Variants in PARN observed in about 807,000 individuals in gnomAD.
PARN encodes the protein poly(A)-specific ribonuclease PARN.
A neutral mutation model predicts 102.8 loss-of-function variants in PARN; 71 were observed. That is an observed-to-expected ratio of 0.69 (90% CI 0.57 to 0.84). PARN has a LOEUF of 0.84. PARN is among the 40% of genes least tolerant of loss of function. PARN has a pLI of 0.00. For synonymous variants in PARN, 261 were observed against 252.9 expected (o/e 1.03, Z -0.30); for missense variants, 782 against 760.9 (o/e 1.03, Z -0.33).
chr16:14,456,691 C>A (rs959293122), intron 22 of PARN, among the ~76,000 whole-genome samples: 1 of 151,968 alleles, frequency 6.6e-6, no homozygotes, highest in African/African-American at 2.4e-5. Context: ...CCCCCAGGTA[C>A]TGCAGCTGGG....
intron 21 of PARN, among the ~76,000 whole-genome samples, chr16:14,525,608 C>G (rs1355820708): frequency 6.6e-6 from 1 of 152,112 alleles, no homozygotes; most frequent in East Asian, 1.9e-4. Context: ...TCATGGCACC[C>G]TCTCTTCATT....
At chr16:14,498,222 G>T (rs1964420714) in intron 21 of PARN, among the ~76,000 whole-genome samples, 2 of 152,006 alleles carry the variant, frequency 1.3e-5, no homozygotes, top group Non-Finnish European at 2.9e-5. Context: ...ACTGGAGAGA[G>T]AAAGAGAATG....
At chr16:14,553,227 G>A (rs1399722573) in intron 20 of PARN, among the ~76,000 whole-genome samples, 1 of 143,112 alleles carries the variant, frequency 7.0e-6, no homozygotes, top group Non-Finnish European at 1.5e-5. Context: ...AGGCCAGCCT[G>A]GGCTACACAG....
At chr16:14,470,331 T>C (rs1386340157) in intron 22 of PARN, among the ~76,000 whole-genome samples, 1 of 152,032 alleles carries the variant, frequency 6.6e-6, no homozygotes, top group Non-Finnish European at 1.5e-5. Context: ...GAGAAACCTT[T>C]CTATGTTTTC....
At chr16:14,547,299 C>A (rs1016639620) in intron 21 of PARN, among the ~76,000 whole-genome samples, 1 of 152,056 alleles carries the variant, frequency 6.6e-6, no homozygotes, top group African/African-American at 2.4e-5. Flanking sequence ...CAGCAGGGAA[C>A]CGCTTCCCAG....
At chr16:14,451,843 T>TAAAAAAAAAAAAAAAAAAAAA (rs1184998225) in intron 22 of PARN, among the ~76,000 whole-genome samples, 1 of 54,620 alleles carries the variant, frequency 1.8e-5, no homozygotes, top group Non-Finnish European at 3.6e-5. Flanking sequence ...ACCCCGTCTC[T>TAAAAAAAAAAAAAAAAAAAAA]AAAAAAAAAA....
chr16:14,455,909 T>C (rs999590110), intron 22 of PARN, among the ~76,000 whole-genome samples: 10 of 152,220 alleles, frequency 6.6e-5, no homozygotes, highest in Admixed American at 2.6e-4. Flanking sequence ...AAACTAGTAA[T>C]GCCCATGTTG....
chr16:14,606,677 T>C (rs534757330), intron 9 of PARN, among the ~76,000 whole-genome samples, 151 bp from the exon 10 acceptor site: 2 of 152,318 alleles, frequency 1.3e-5, no homozygotes, highest in African/African-American at 4.8e-5. Flanking sequence ...AGCACATTTA[T>C]TTTATAACGT....
chr16:14,617,892 A>T (rs1972028180), intron 5 of PARN, among the ~76,000 whole-genome samples: 1 of 152,084 alleles, frequency 6.6e-6, no homozygotes, highest in Non-Finnish European at 1.5e-5. Context: ...TTTTTTTTAT[A>T]GACAGGGTCT....
intron 18 of PARN, among the ~76,000 whole-genome samples, chr16:14,559,409 GTT>G (rs536099461): frequency 5.6e-5 from 8 of 142,954 alleles, no homozygotes; most frequent in Non-Finnish European, 9.2e-5. Context: ...CAAAAGATTT[GTT>G]TTTTTTTTTT....
intron 18 of PARN, among the ~76,000 whole-genome samples, chr16:14,572,406 T>TA (rs1305394699): frequency 2.0e-5 from 3 of 152,190 alleles, no homozygotes; most frequent in African/African-American, 7.2e-5. Context: ...TTCTTCAGTT[T>TA]AAAATCTCTC....
intron 13 of PARN, among the ~76,000 whole-genome samples, chr16:14,587,782 G>A (rs1969949820): frequency 6.6e-6 from 1 of 152,194 alleles, no homozygotes; most frequent in Admixed American, 6.5e-5. Flanking sequence ...ATAAAGTGAA[G>A]GATAAAACTG....
At chr16:14,463,157 AGCACT>A (rs1460480382) in intron 22 of PARN, among the ~76,000 whole-genome samples, 1 of 152,240 alleles carries the variant, frequency 6.6e-6, no homozygotes, top group Non-Finnish European at 1.5e-5. Context: ...CATACATCAC[AGCACT>A]GGGGAGACTA....
intron 18 of PARN, among the ~76,000 whole-genome samples, chr16:14,563,917 A>G (rs1483165510): frequency 6.6e-6 from 1 of 152,152 alleles, no homozygotes; most frequent in Non-Finnish European, 1.5e-5. Flanking sequence ...ATTCCTAACT[A>G]AAGTAACATT....
intron 7 of PARN, among the ~76,000 whole-genome samples, chr16:14,609,741 C>CAG (rs1286529101): frequency 1.3e-5 from 2 of 152,152 alleles, no homozygotes; most frequent in Non-Finnish European, 2.9e-5. Context: ...TGAGCAAGAC[C>CAG]AGACACTTGT....
intron 21 of PARN, among the ~76,000 whole-genome samples, chr16:14,489,437 CAAAA>C (rs770783306): frequency 5.0e-5 from 3 of 59,434 alleles, no homozygotes; most frequent in African/African-American, 6.5e-5. Context: ...GAGAGAGACT[CAAAA>C]AAAAAAAAAA....
chr16:14,523,561 ACAGT>A (rs1471028463), intron 21 of PARN, among the ~76,000 whole-genome samples: 2 of 152,222 alleles, frequency 1.3e-5, no homozygotes, highest in African/African-American at 2.4e-5. Context: ...TTCTCCGAAC[ACAGT>A]CAGAGAAGTC....
intron 21 of PARN, among the ~76,000 whole-genome samples, chr16:14,520,105 T>C (rs541099953): frequency 9.2e-5 from 14 of 152,308 alleles, no homozygotes; most frequent in African/African-American, 3.4e-4. Context: ...GACAAAAGAA[T>C]ATATAAAACA....
At chr16:14,614,040 G>C (rs1328775388) in intron 6 of PARN, among the ~76,000 whole-genome samples, 1 of 152,034 alleles carries the variant, frequency 6.6e-6, no homozygotes, top group African/African-American at 2.4e-5. Context: ...GTGGCGGCAG[G>C]AATACCAGGA....
Sources: gnomAD v4.1 joint callset for allele counts (sites outside exome capture counted in the v4.1 genomes callset) on GRCh38, gnomAD v4.1.1 for gene constraint, MANE v1.5 for transcripts, NCBI Gene and HGNC (gene_info 2026-07-23, HGNC 2026-07-21) for gene names.